Variants in CNTNAP2 observed in about 807,000 individuals in gnomAD.
CNTNAP2 encodes contactin-associated protein-like 2.
Under a neutral mutation model 155.2 loss-of-function variants are expected in CNTNAP2, and 98 were observed. The observed-to-expected ratio is 0.63, with a 90% CI of 0.54 to 0.75. CNTNAP2 has a LOEUF of 0.75. Ranked by LOEUF, CNTNAP2 falls within the 30% of genes least tolerant of loss-of-function variation. The pLI is 0.00. For missense variants in CNTNAP2, 1,727 were observed against 1,688.1 expected, an observed-to-expected ratio of 1.02 and a Z score of -0.40; for synonymous variants, 651 against 631.2, an observed-to-expected ratio of 1.03 and a Z score of -0.47.
intron 3 of CNTNAP2, 74 bp downstream of exon 3, chr7:146,839,978 G>A: frequency 6.8e-7 from 1 of 1,475,550 alleles, no homozygotes; most frequent in Non-Finnish European, 9.4e-7. Flanking sequence ...GATTTACTAA[G>A]CATATATAGT....
chr7:146,152,846 A>G (rs147820193), intron 1 of CNTNAP2, among the ~76,000 whole-genome samples: 133 of 152,192 alleles, frequency 8.7e-4, no homozygotes, highest in African/African-American at 3.0e-3. Context: ...ATAACTTCCT[A>G]CTGCTCACTC....
At chr7:147,012,569 G>A (rs746459060) in intron 3 of CNTNAP2, among the ~76,000 whole-genome samples, 3 of 152,044 alleles carry the variant, frequency 2.0e-5, no homozygotes, top group Admixed American at 6.6e-5. Flanking sequence ...GTCACAACTT[G>A]AAAGTAAATG....
Position 146,774,287 on chromosome 7 carries a change from A to G in CNTNAP2, c.114A>G (p.Pro38=), listed in dbSNP as rs778648331. The G allele has an allele frequency of 6.2e-7, 1 of 1,613,792 alleles. No individual in the cohort carries two copies. The highest frequency in any genetic ancestry group is 8.5e-7 in the Non-Finnish European group (1 of 1,179,886). The change falls in exon 2 of 24, where the codon CCA becomes CCG. Residue 38 remains proline, a synonymous_variant. Coordinates refer to ENST00000361727, the MANE Select transcript of CNTNAP2 (RefSeq NM_014141.6). ...APSTSQKCDE[P]LVSGLPHVAF... is the part of the protein sequence containing the mutation. ...TGTTTTCAGAAAAATGTGATGAGCC[A>G]CTTGTCTCTGGACTCCCCCATGTGG...
At chr7:147,716,288 G>A (rs138546907) in intron 13 of CNTNAP2, among the ~76,000 whole-genome samples, 2,509 of 152,216 alleles carry the variant, frequency 0.016, 224 homozygotes, top group Admixed American at 0.15. Context: ...AACAGTGAAC[G>A]TTTAATAAGC....
chr7:147,877,009 C>T (rs1353225146), intron 13 of CNTNAP2, among the ~76,000 whole-genome samples: 1 of 152,010 alleles, frequency 6.6e-6, no homozygotes, highest in African/African-American at 2.4e-5. Flanking sequence ...AAATTGATAG[C>T]AGGAGGGCCC....
intron 3 of CNTNAP2, among the ~76,000 whole-genome samples, chr7:146,989,750 T>C (rs1177845427): frequency 6.6e-6 from 1 of 152,076 alleles, no homozygotes; most frequent in African/African-American, 2.4e-5. Flanking sequence ...ATGAAATGCT[T>C]CCATGAGCCC....
chr7:146,964,593 G>A (rs1797620198), intron 3 of CNTNAP2, among the ~76,000 whole-genome samples: 1 of 152,204 alleles, frequency 6.6e-6, no homozygotes, highest in South Asian at 2.1e-4. Context: ...ACTGGACTCA[G>A]AGGAACAATT....
intron 13 of CNTNAP2, among the ~76,000 whole-genome samples, chr7:147,850,337 C>A (rs1020481118): frequency 6.6e-6 from 1 of 152,172 alleles, no homozygotes; most frequent in South Asian, 2.1e-4. Flanking sequence ...AATGGCCATA[C>A]TGCCCAAGGT....
chr7:147,854,347 C>T (rs1163362671), intron 13 of CNTNAP2, among the ~76,000 whole-genome samples: 1 of 152,144 alleles, frequency 6.6e-6, no homozygotes, highest in African/African-American at 2.4e-5. Flanking sequence ...AGAAGTTGAT[C>T]ATTCATCATC....
chr7:147,453,608 ATTAT>A (rs1455086126), intron 10 of CNTNAP2, among the ~76,000 whole-genome samples: 6 of 152,192 alleles, frequency 3.9e-5, no homozygotes. Context: ...CTCAATTCAG[ATTAT>A]TTAAGTGACT....
chr7:148,074,072 C>A (rs1287075999), intron 15 of CNTNAP2, among the ~76,000 whole-genome samples: 1 of 152,112 alleles, frequency 6.6e-6, no homozygotes. Flanking sequence ...GTATAACCTG[C>A]ACATAAAAGA....
intron 21 of CNTNAP2, among the ~76,000 whole-genome samples, chr7:148,372,930 CT>C (rs1364282523): frequency 6.6e-6 from 1 of 151,922 alleles, no homozygotes; most frequent in Non-Finnish European, 1.5e-5. Context: ...ACTTTTAAGA[CT>C]TTTTTATTGA....
chr7:146,911,787 C>T (rs1317720490), intron 3 of CNTNAP2, among the ~76,000 whole-genome samples: 1 of 151,586 alleles, frequency 6.6e-6, no homozygotes, highest in African/African-American at 2.4e-5. Context: ...GCACATGTAC[C>T]CTAAAACTTA....
intron 1 of CNTNAP2, among the ~76,000 whole-genome samples, chr7:146,619,434 T>C (rs1011266597): frequency 2.6e-5 from 4 of 152,176 alleles, no homozygotes; most frequent in Non-Finnish European, 4.4e-5. Context: ...TAACTGCCTA[T>C]ATGAGTTTTG....
chr7:147,582,196 T>G (rs1240069716), intron 12 of CNTNAP2, among the ~76,000 whole-genome samples: 1 of 143,616 alleles, frequency 7.0e-6, no homozygotes, highest in Admixed American at 6.7e-5. Flanking sequence ...CTGAACTGGT[T>G]TACACTGGCA....
Position 146,860,181 on chromosome 7 carries a change from C to T in CNTNAP2, c.402+20277C>T, listed in dbSNP as rs187034593. 4.6e-5 allele frequency among the ~76,000 whole-genome samples: 7 copies of T among 152,284 alleles called. No homozygotes were observed. In the East Asian group the frequency reaches 1.2e-3, roughly 25 times the overall value. ...ATATATATAGACTCCACCATCATGA[C>T]CCTCATGGAGATTAGAGCTAGATAG... is the stretch of plus-strand genomic sequence containing the variant. On this transcript the variant is annotated intron_variant, in intron 3 of 23. Coordinates refer to ENST00000361727, the MANE Select transcript of CNTNAP2 (RefSeq NM_014141.6).
chr7:146,805,231 C>CT (rs1409928555), intron 2 of CNTNAP2, among the ~76,000 whole-genome samples: 1 of 152,170 alleles, frequency 6.6e-6, no homozygotes, highest in African/African-American at 2.4e-5. Flanking sequence ...TCATAGCATA[C>CT]TGACAGTGCT....
At chr7:146,795,102 A>G (rs1044533089) in intron 2 of CNTNAP2, among the ~76,000 whole-genome samples, 4 of 152,348 alleles carry the variant, frequency 2.6e-5, no homozygotes, top group Non-Finnish European at 4.4e-5. Context: ...AAGTATATGA[A>G]TATAACTATT....
chr7:146,915,133 T>G (rs556644924), intron 3 of CNTNAP2, among the ~76,000 whole-genome samples: 1 of 152,244 alleles, frequency 6.6e-6, no homozygotes, highest in Non-Finnish European at 1.5e-5. Context: ...ACTATAAGTA[T>G]TTGGCTCTAT....
Sources: gnomAD v4.1 joint callset for allele counts (sites outside exome capture counted in the v4.1 genomes callset) on GRCh38, gnomAD v4.1.1 for gene constraint, MANE v1.5 for transcripts, NCBI Gene and HGNC (gene_info 2026-07-23, HGNC 2026-07-21) for gene names.